LARS2: variants seen among roughly 807,000 people sequenced by gnomAD.
The protein encoded by LARS2 is leucine--tRNA ligase, mitochondrial.
LARS2 carries 81 observed loss-of-function variants against 116.6 expected under a neutral mutation model. The ratio of observed to expected loss-of-function variants is 0.69; its 90% CI spans 0.58 to 0.84. The LOEUF (loss-of-function observed/expected upper bound fraction) is 0.84. Ranked by LOEUF, LARS2 falls within the 40% of genes least tolerant of loss-of-function variation. The probability of loss-of-function intolerance (pLI) is 0.00; values close to 1 mark genes in which losing one functional copy is unlikely to be tolerated. For synonymous variants in LARS2, 396 were observed against 407.2 expected, an observed-to-expected ratio of 0.97 and a Z score of 0.33; for missense variants, 968 against 1,114.5, an observed-to-expected ratio of 0.87 and a Z score of 1.87.
rs900823527 is a variant in LARS2 at position 45,400,232 on chromosome 3, C to T, written c.235-13C>T. 4.3e-6 allele frequency: 7 copies of T among 1,610,850 alleles called. No individual in the cohort carries two copies. The African/African-American group carries it at 5.3e-5, about 12-fold the overall frequency. ...AAAATGCTTAATAAATACTCATTGTCGTTCTTTCCTAGAAATCGAAGCCAA... is the reference window on the plus strand; with the variant it reads ...AAAATGCTTAATAAATACTCATTGTTGTTCTTTCCTAGAAATCGAAGCCAA... On this transcript the variant is annotated splice_polypyrimidine_tract_variant and intron_variant, in intron 3 of 21. Coordinates refer to ENST00000645846, the MANE Select transcript of LARS2 (RefSeq NM_015340.4).
chr3:45,544,570 G>GT (rs1416767364), intron 21 of LARS2, among the ~76,000 whole-genome samples: 1 of 152,222 alleles, frequency 6.6e-6, no homozygotes, highest in Non-Finnish European at 1.5e-5. Context: ...ACTAAGCACA[G>GT]TGGCCCTGTG....
chr3:45,497,911 AAAAAAAAAG>A (rs1700044524), intron 14 of LARS2, among the ~76,000 whole-genome samples: 4 of 152,126 alleles, frequency 2.6e-5, no homozygotes, highest in Admixed American at 2.6e-4. Flanking sequence ...CCTCTCAAAA[AAAAAAAAAG>A]AAAAAAAAGA....
At chr3:45,499,977 TTTTGTTTGTTTGTTTG>T (rs548918516) in intron 14 of LARS2, among the ~76,000 whole-genome samples, 2 of 151,958 alleles carry the variant, frequency 1.3e-5, no homozygotes, top group Non-Finnish European at 2.9e-5. Context: ...ATATATATAT[TTTTGTTTGTTTGTTTG>T]TTTGTTTGTT....
intron 2 of LARS2, among the ~76,000 whole-genome samples, 181 bp downstream of exon 2, chr3:45,391,829 T>C (rs1303261117): frequency 6.6e-6 from 1 of 152,246 alleles, no homozygotes; most frequent in Non-Finnish European, 1.5e-5. Context: ...CCAGGTATTA[T>C]GTGAACATTT....
chr3:45,489,728 A>G (rs13078852), intron 12 of LARS2, among the ~76,000 whole-genome samples: 413 of 152,312 alleles, frequency 2.7e-3, no homozygotes, highest in Non-Finnish European at 4.5e-3. Context: ...TGCACATTGG[A>G]AACACCTGAG....
At chr3:45,503,750 G>C (rs1700157438) in intron 15 of LARS2, among the ~76,000 whole-genome samples, 1 of 151,260 alleles carries the variant, frequency 6.6e-6, no homozygotes, top group South Asian at 2.1e-4. Flanking sequence ...TAATTACAGA[G>C]AAGGAAAGGG....
intron 6 of LARS2, among the ~76,000 whole-genome samples, chr3:45,429,478 C>T (rs1366375401): frequency 3.3e-5 from 5 of 152,138 alleles, no homozygotes; most frequent in Admixed American, 3.3e-4. Flanking sequence ...CAATGCATTC[C>T]CTCTCATGCT....
In LARS2 at chr3:45,390,801, C is replaced by T. The variant is rs1697930262; in HGVS notation, c.-87-782C>T. On this transcript the variant is annotated intron_variant, in intron 1 of 21. Transcript: ENST00000645846. The stretch of plus-strand genomic sequence containing the variant: ...TCTAGTAGCTGGGACTACAGGCGCC[C>T]GCCACCACGCCCAGCTAATTTTTTG... 1.3e-5 allele frequency among the ~76,000 whole-genome samples: 2 copies of T among 151,836 alleles called. 1 individual carries two copies. The highest frequency in any genetic ancestry group is 4.1e-4 in the South Asian group (2 of 4,820).
chr3:45,399,311 T>C (rs1434687157), intron 3 of LARS2, among the ~76,000 whole-genome samples: 4 of 152,220 alleles, frequency 2.6e-5, no homozygotes, highest in South Asian at 4.1e-4. Flanking sequence ...CTATAGAGAA[T>C]TTAGGAAGAG....
At chr3:45,479,507 T>G (rs1699663494) in intron 10 of LARS2, among the ~76,000 whole-genome samples, 1 of 152,180 alleles carries the variant, frequency 6.6e-6, no homozygotes, top group Non-Finnish European at 1.5e-5. Flanking sequence ...TTTCTTGATT[T>G]CTAGCTGGCC....
intron 4 of LARS2, among the ~76,000 whole-genome samples, chr3:45,402,681 C>T (rs1417633398): frequency 6.6e-6 from 1 of 152,174 alleles, no homozygotes; most frequent in Non-Finnish European, 1.5e-5. Flanking sequence ...AGTTAAATAA[C>T]TTTATACTAC....
intron 6 of LARS2, among the ~76,000 whole-genome samples, chr3:45,426,862 G>A (rs1423850964): frequency 6.6e-6 from 1 of 152,162 alleles, no homozygotes; most frequent in East Asian, 1.9e-4. Context: ...GCCCAGTCAG[G>A]TCATCCCCAT....
intron 4 of LARS2, among the ~76,000 whole-genome samples, chr3:45,408,106 C>T (rs1698263767): frequency 6.6e-6 from 1 of 152,224 alleles, no homozygotes; most frequent in Non-Finnish European, 1.5e-5. Flanking sequence ...CTGGCATTTT[C>T]CAGGTTATAT....
chr3:45,524,927 C>G (rs74721659), intron 20 of LARS2, among the ~76,000 whole-genome samples: 90 of 152,302 alleles, frequency 5.9e-4, no homozygotes, highest in African/African-American at 2.1e-3. Flanking sequence ...GAAATTCCCA[C>G]CACCCAAGCA....
At chr3:45,402,344 G>A (rs1698168021) in intron 4 of LARS2, among the ~76,000 whole-genome samples, 1 of 152,216 alleles carries the variant, frequency 6.6e-6, no homozygotes, top group South Asian at 2.1e-4. Context: ...CCAATGTTGT[G>A]TTTATTAGTC....
intron 12 of LARS2, 88 bp downstream of exon 12, chr3:45,488,900 C>G: frequency 1.2e-6 from 1 of 842,382 alleles, no homozygotes; most frequent in South Asian, 1.3e-5. Context: ...ACAACCTGTT[C>G]CTTCACTCGT....
intron 12 of LARS2, among the ~76,000 whole-genome samples, chr3:45,491,205 A>G (rs952386283): frequency 3.3e-5 from 5 of 152,356 alleles, no homozygotes; most frequent in African/African-American, 1.2e-4. Flanking sequence ...AGGGCCCACA[A>G]TACTTTTAGA....
intron 9 of LARS2, among the ~76,000 whole-genome samples, chr3:45,476,064 C>CAGA (rs1699603194): frequency 6.8e-6 from 1 of 146,914 alleles, no homozygotes; most frequent in East Asian, 2.0e-4. Flanking sequence ...AAGTAGATGC[C>CAGA]TTTTTTTTTT....
intron 20 of LARS2, among the ~76,000 whole-genome samples, chr3:45,537,042 G>GTA (rs796769958): frequency 0.022 from 3,417 of 151,948 alleles, 109 homozygotes; most frequent in African/African-American, 0.073. Context: ...GTGTGTGTGT[G>GTA]TGTGTGTGTG....
Sources: allele counts gnomAD v4.1 joint callset (sites outside exome capture counted in the v4.1 genomes callset), GRCh38; gene constraint gnomAD v4.1.1; transcripts MANE v1.5; gene names NCBI Gene and HGNC (gene_info 2026-07-23, HGNC 2026-07-21).